SHCBP1L: variants seen among roughly 807,000 people sequenced by gnomAD.
The protein encoded by SHCBP1L is SHC binding and spindle associated 1 like.
Under a neutral mutation model 62.5 loss-of-function variants are expected in SHCBP1L, and 67 were observed. The observed-to-expected ratio is 1.07, with a 90% CI of 0.88 to 1.31. The LOEUF (loss-of-function observed/expected upper bound fraction) is 1.31, where lower values mean the gene tolerates loss of function less well. Ranked by LOEUF, SHCBP1L falls within the 40% of genes most tolerant of loss-of-function variation. The probability of loss-of-function intolerance (pLI) is 0.00; values close to 1 mark genes in which losing one functional copy is unlikely to be tolerated. For missense variants in SHCBP1L, 823 were observed against 809.8 expected (o/e 1.02, Z -0.20); for synonymous variants, 284 against 289.4 (o/e 0.98, Z 0.19).
chr1:182,936,015 A>G (rs953511118), intron 5 of SHCBP1L, among the ~76,000 whole-genome samples: 2 of 152,094 alleles, frequency 1.3e-5, no homozygotes, highest in African/African-American at 4.8e-5. Context: ...GACATAATTA[A>G]CATTTACCAT....
intron 1 of SHCBP1L, among the ~76,000 whole-genome samples, chr1:182,952,219 TATATATATATATATATACAC>T (rs1321956415): frequency 2.9e-4 from 18 of 62,990 alleles, no homozygotes; most frequent in African/African-American, 1.7e-3. Flanking sequence ...TATATATATA[TATATATATATATATATACAC>T]ACACACACAC....
At chr1:182,929,839 G>T in intron 5 of SHCBP1L, 87 bp from the exon 6 acceptor site, 1 of 815,906 alleles carries the variant, frequency 1.2e-6, no homozygotes, top group Non-Finnish European at 1.9e-6. Context: ...TTGGTACTAA[G>T]CATCTTTGAG....
intron 6 of SHCBP1L, among the ~76,000 whole-genome samples, chr1:182,928,393 A>G (rs1650852725): frequency 6.6e-6 from 1 of 152,226 alleles, no homozygotes; most frequent in Non-Finnish European, 1.5e-5. Context: ...GACATTAAAT[A>G]GCCACAAAAG....
chr1:182,913,673 T>A (rs1650262537), intron 6 of SHCBP1L, among the ~76,000 whole-genome samples: 1 of 152,132 alleles, frequency 6.6e-6, no homozygotes, highest in South Asian at 2.1e-4. Flanking sequence ...ACAAATATTA[T>A]AATCAAACAA....
chr1:182,908,282 C>A (rs1650078903), intron 6 of SHCBP1L, among the ~76,000 whole-genome samples: 1 of 136,280 alleles, frequency 7.3e-6, no homozygotes. Flanking sequence ...TCCTCCTGCA[C>A]CAGTAGTTAG....
intron 6 of SHCBP1L, among the ~76,000 whole-genome samples, chr1:182,913,330 C>G (rs150548274): frequency 6.6e-6 from 1 of 152,130 alleles, no homozygotes; most frequent in African/African-American, 2.4e-5. Context: ...GAGGCTGAGT[C>G]TCCAACCTGT....
At chr1:182,947,819 T>C (rs537361153) in intron 2 of SHCBP1L, among the ~76,000 whole-genome samples, 4 of 152,326 alleles carry the variant, frequency 2.6e-5, no homozygotes, top group African/African-American at 7.2e-5. Flanking sequence ...GAGAGGACTA[T>C]AGGTGTGCAC....
intron 6 of SHCBP1L, among the ~76,000 whole-genome samples, chr1:182,927,532 C>T (rs1219375259): frequency 6.6e-6 from 1 of 151,998 alleles, no homozygotes; most frequent in Non-Finnish European, 1.5e-5. Flanking sequence ...ATTAGCCGGG[C>T]GTAGTGGCGG....
chr1:182,952,880 G>T lies in SHCBP1L; in HGVS notation c.254C>A (p.Ala85Glu). ...CAGGGGCTCCTCCGCCGCCGCCGCC[G>T]CCGCCTCTCCCGTGTCCTCGGCCTG... ...AAQAEDTGEA[A>E]AAAAEEPLLP... Residue 85 changes from alanine to glutamate, a missense_variant, in exon 1 of 10, where the codon GCG (alanine) becomes GAG (glutamate). Transcript: ENST00000367547. The T allele has an allele frequency of 6.3e-7, 1 of 1,593,466 alleles. No individual in the cohort carries two copies. The highest frequency in any genetic ancestry group is 8.5e-7 in the Non-Finnish European group (1 of 1,171,360).
intron 6 of SHCBP1L, among the ~76,000 whole-genome samples, chr1:182,909,990 CAG>C (rs1047168118): frequency 7.9e-5 from 12 of 152,124 alleles, no homozygotes; most frequent in African/African-American, 2.9e-4. Flanking sequence ...AGGTAAGAAA[CAG>C]AGATGTGGTG....
chr1:182,900,510 G>A (rs1649797770), intron 9 of SHCBP1L, among the ~76,000 whole-genome samples: 1 of 151,988 alleles, frequency 6.6e-6, no homozygotes, highest in African/African-American at 2.4e-5. Context: ...TTGGCTCACT[G>A]CAACCTCCGC....
chr1:182,906,231 C>T (rs754651405), intron 6 of SHCBP1L, among the ~76,000 whole-genome samples: 4 of 151,886 alleles, frequency 2.6e-5, no homozygotes, highest in East Asian at 3.9e-4. Context: ...CCACCGTGCC[C>T]GGCAACGTAA....
At chr1:182,936,928 C>A (rs1235956287) in intron 5 of SHCBP1L, among the ~76,000 whole-genome samples, 2 of 151,894 alleles carry the variant, frequency 1.3e-5, no homozygotes, top group Non-Finnish European at 2.9e-5. Flanking sequence ...GTGGCACACA[C>A]CTGTGGTCCC....
In SHCBP1L at chr1:182,952,919, C is replaced by T. The variant is rs751954188; in HGVS notation, c.215G>A (p.Arg72His). 2 of 1,562,718 alleles carry T rather than the reference C, an allele frequency of 1.3e-6. No homozygotes were observed. The highest frequency in any genetic ancestry group is 1.7e-6 in the Non-Finnish European group (2 of 1,155,196). ...GRETARLRLQRLPAAQAEDTG... is the reference protein window; with the variant it reads ...GRETARLRLQHLPAAQAEDTG... ...GTCCTCGGCCTGAGCCGCGGGCAGG[C>T]GCTGGAGCCGCAGCCTGGCCGTCTC... The change falls in exon 1 of 10, where the codon CGC (arginine) becomes CAC (histidine). Residue 72 changes from arginine to histidine, a missense_variant. Coordinates refer to ENST00000367547, the MANE Select transcript of SHCBP1L (RefSeq NM_030933.4).
intron 6 of SHCBP1L, among the ~76,000 whole-genome samples, chr1:182,922,813 A>G (rs890905687): frequency 1.3e-5 from 2 of 152,182 alleles, no homozygotes; most frequent in African/African-American, 4.8e-5. Context: ...AAAGATCTCA[A>G]ATTGACAACC....
At chr1:182,919,160 T>C (rs930645293) in intron 6 of SHCBP1L, among the ~76,000 whole-genome samples, 1 of 152,270 alleles carries the variant, frequency 6.6e-6, no homozygotes, top group East Asian at 1.9e-4. Flanking sequence ...TTAGTCTATC[T>C]GTGCTGCTGT....
rs149363747 is a variant in SHCBP1L, at chr1:182,911,149, C to T, written c.1183-5500G>A. ...AAGTGATCTGCCTGCCTCAGCCTCC[C>T]GAAGTGCTGGGATTACAGGTGTAAG... On this transcript the variant is annotated intron_variant, in intron 6 of 9. Coordinates refer to ENST00000367547, the MANE Select transcript of SHCBP1L (RefSeq NM_030933.4). 4.6e-3 allele frequency among the ~76,000 whole-genome samples: 695 copies of T among 152,222 alleles called. 7 individuals carry two copies. The highest frequency in any genetic ancestry group is 0.016 in the African/African-American group (656 of 41,522).
chr1:182,915,161 CAAAAAAAAAAAAAAAAAAA>C (rs371432299), intron 6 of SHCBP1L, among the ~76,000 whole-genome samples: 11 of 31,888 alleles, frequency 3.4e-4, no homozygotes, highest in Non-Finnish European at 6.3e-4. Flanking sequence ...GACTCTGTCT[CAAAAAAAAAAAAAAAAAAA>C]AAAAAAAAAA....
chr1:182,939,106 A>C, intron 5 of SHCBP1L, 70 bp downstream of exon 5: 1 of 1,233,726 alleles, frequency 8.1e-7, no homozygotes, highest in Non-Finnish European at 1.1e-6. Context: ...ATATACCACA[A>C]ATTAAGTGCT....
Sources: gnomAD v4.1 joint callset for allele counts (sites outside exome capture counted in the v4.1 genomes callset) on GRCh38, gnomAD v4.1.1 for gene constraint, MANE v1.5 for transcripts, NCBI Gene and HGNC (gene_info 2026-07-23, HGNC 2026-07-21) for gene names.